Variants in LRP1B observed in about 807,000 individuals in gnomAD.
The protein encoded by LRP1B is LDL receptor related protein 1B.
LRP1B carries 217 observed loss-of-function variants against 556.6 expected under a neutral mutation model. That is an observed-to-expected ratio of 0.39 (90% CI 0.35 to 0.44). The LOEUF (loss-of-function observed/expected upper bound fraction) is 0.44, where lower values mean the gene tolerates loss of function less well. LRP1B is among the 20% of genes least tolerant of loss of function. The pLI is 1.00. For synonymous variants in LRP1B, 2,047 were observed against 1,865.8 expected, an observed-to-expected ratio of 1.10 and a Z score of -2.50; for missense variants, 5,053 against 5,620.8, an observed-to-expected ratio of 0.90 and a Z score of 3.23.
chr2:140,670,928 A>C (rs1685457137), intron 41 of LRP1B, among the ~76,000 whole-genome samples: 1 of 152,228 alleles, frequency 6.6e-6, no homozygotes, highest in Admixed American at 6.5e-5. Context: ...TTAAATACTA[A>C]AGTAAATACA....
chr2:140,814,265 A>G (rs1195196643), intron 31 of LRP1B, among the ~76,000 whole-genome samples: 2 of 152,200 alleles, frequency 1.3e-5, no homozygotes, highest in Non-Finnish European at 2.9e-5. Flanking sequence ...GGCATGAGCC[A>G]TGGCACCCAG....
chr2:140,856,738 TACACACACACACACACACACACACAC>T (rs57220779), intron 27 of LRP1B, among the ~76,000 whole-genome samples: 2 of 148,358 alleles, frequency 1.3e-5, no homozygotes, highest in East Asian at 2.0e-4. Context: ...CTAAGAGAGA[TACACACACACACACACACACACACAC>T]ACACACACAC....
intron 1 of LRP1B, 35 bp downstream of exon 1, chr2:142,130,613 G>C (rs1350982277): frequency 6.4e-7 from 1 of 1,569,002 alleles, no homozygotes; most frequent in Non-Finnish European, 8.7e-7. Context: ...AGCCAAGGAA[G>C]TCAGGGGAGG....
At chr2:141,788,777 G>A (rs1356840588) in intron 2 of LRP1B, among the ~76,000 whole-genome samples, 1 of 149,952 alleles carries the variant, frequency 6.7e-6, no homozygotes, top group African/African-American at 2.5e-5. Flanking sequence ...CTATGAGCGA[G>A]AACATGCGGT....
intron 2 of LRP1B, among the ~76,000 whole-genome samples, chr2:141,599,366 A>G (rs530854784): frequency 4.2e-4 from 64 of 151,924 alleles, no homozygotes; most frequent in African/African-American, 1.5e-3. Flanking sequence ...TCAGAAAGGG[A>G]TTTTCCTACT....
chr2:141,102,411 G>A (rs1484399490), intron 7 of LRP1B, among the ~76,000 whole-genome samples: 5 of 152,022 alleles, frequency 3.3e-5, no homozygotes, highest in Non-Finnish European at 7.4e-5. Context: ...TTCTGTCACT[G>A]GGAACAGAGC....
chr2:140,432,912 G>T (rs1432696935), intron 66 of LRP1B, among the ~76,000 whole-genome samples: 3 of 152,116 alleles, frequency 2.0e-5, no homozygotes, highest in Non-Finnish European at 4.4e-5. Flanking sequence ...TTACCAAGAA[G>T]ATTAAAATAG....
chr2:140,276,645 TAAA>T (rs1191527203), intron 84 of LRP1B, among the ~76,000 whole-genome samples: 1 of 151,964 alleles, frequency 6.6e-6, no homozygotes, highest in Non-Finnish European at 1.5e-5. Flanking sequence ...CTCTAACTCA[TAAA>T]AAGCTCTTTT....
chr2:141,357,501 A>G (rs1446792164), intron 3 of LRP1B, among the ~76,000 whole-genome samples: 1 of 152,220 alleles, frequency 6.6e-6, no homozygotes, highest in Non-Finnish European at 1.5e-5. Context: ...TTAAGAGCTG[A>G]GCCACTGAAT....
Position 141,202,752 on chromosome 2 carries a change from T to A in LRP1B, c.851-14169A>T, listed in dbSNP as rs1271266147. Among the ~76,000 whole-genome samples the A allele has an allele frequency of 5.3e-5, 8 of 151,404 alleles. 1 individual carries two copies. Among genetic ancestry groups the A allele is most frequent in the African/African-American group, 1.2e-4 (5 of 41,240 alleles). The stretch of plus-strand genomic sequence containing the variant: ...CTGTTCATGTTTTTGCCCAATTTTT[T>A]TATTACATTTTCCATTCTGGGGTAC... On this transcript the variant is annotated intron_variant, in intron 6 of 90. Transcript: ENST00000389484.
intron 23 of LRP1B, among the ~76,000 whole-genome samples, chr2:140,895,413 C>T (rs1693923047): frequency 6.6e-6 from 1 of 152,218 alleles, no homozygotes; most frequent in East Asian, 1.9e-4. Flanking sequence ...GGGGGTGGCT[C>T]GTTTACTCAG....
chr2:141,789,048 C>T (rs906861719), intron 2 of LRP1B, among the ~76,000 whole-genome samples: 1 of 151,906 alleles, frequency 6.6e-6, no homozygotes, highest in African/African-American at 2.4e-5. Flanking sequence ...GGTATATACC[C>T]AGTAATGGGA....
intron 18 of LRP1B, among the ~76,000 whole-genome samples, chr2:140,961,674 C>G (rs1030192244): frequency 2.0e-5 from 3 of 151,804 alleles, no homozygotes; most frequent in African/African-American, 4.8e-5. Flanking sequence ...TTAATTATAC[C>G]ATGAGGTAAG....
intron 14 of LRP1B, among the ~76,000 whole-genome samples, chr2:141,009,349 A>G (rs1697672596): frequency 6.6e-6 from 1 of 151,958 alleles, no homozygotes; most frequent in South Asian, 2.1e-4. Context: ...AGAAGAATTG[A>G]CTTTGAACGA....
At chr2:141,212,599 A>C (rs1316918665) in intron 6 of LRP1B, among the ~76,000 whole-genome samples, 1 of 151,890 alleles carries the variant, frequency 6.6e-6, no homozygotes, top group African/African-American at 2.4e-5. Context: ...TCTAGATTCT[A>C]AATAGCAAAA....
intron 7 of LRP1B, among the ~76,000 whole-genome samples, chr2:141,102,944 G>A (rs1700503667): frequency 6.6e-6 from 1 of 152,054 alleles, no homozygotes; most frequent in East Asian, 1.9e-4. Context: ...GCTATATTCT[G>A]ATCCATTTCT....
chr2:140,883,710 C>A, intron 25 of LRP1B, 107 bp downstream of exon 25: 1 of 1,004,084 alleles, frequency 1.0e-6, no homozygotes, highest in Non-Finnish European at 1.5e-6. Flanking sequence ...TACATGGGCA[C>A]AAAATAACCA....
At chr2:141,191,062 A>G (rs1040571874) in intron 6 of LRP1B, among the ~76,000 whole-genome samples, 7 of 152,058 alleles carry the variant, frequency 4.6e-5, no homozygotes, top group African/African-American at 1.7e-4. Context: ...AAATCTGAAC[A>G]GGTGATGCTA....
At chr2:141,585,251 A>G (rs1421486643) in intron 2 of LRP1B, among the ~76,000 whole-genome samples, 1 of 152,134 alleles carries the variant, frequency 6.6e-6, no homozygotes, top group Non-Finnish European at 1.5e-5. Flanking sequence ...AGATATTTCC[A>G]AGATATTTTT....
Sources: allele counts gnomAD v4.1 joint callset (sites outside exome capture counted in the v4.1 genomes callset), GRCh38; gene constraint gnomAD v4.1.1; transcripts MANE v1.5; gene names NCBI Gene and HGNC (gene_info 2026-07-23, HGNC 2026-07-21).